Variants in LRRC4C observed in about 807,000 individuals in gnomAD.
LRRC4C encodes the protein leucine-rich repeat-containing protein 4C.
LRRC4C carries 5 observed loss-of-function variants against 33.6 expected under a neutral mutation model. The ratio of observed to expected loss-of-function variants is 0.15; its 90% CI spans 0.08 to 0.31. LRRC4C has a LOEUF of 0.31. Among genes scored for constraint, LRRC4C ranks in the 10% least tolerant of loss-of-function variants. The pLI, the probability that LRRC4C is intolerant of heterozygous loss-of-function variation, is 1.00. For missense variants in LRRC4C, 560 were observed against 796.7 expected (o/e 0.70, Z 3.58); for synonymous variants, 329 against 302.0 (o/e 1.09, Z -0.93).
chr11:40,643,443 C>G (rs1591356444), intron 3 of LRRC4C, among the ~76,000 whole-genome samples: 1 of 152,084 alleles, frequency 6.6e-6, no homozygotes, highest in African/African-American at 2.4e-5. Context: ...CCAGGACATT[C>G]ATCCCTGCCA....
At chr11:40,770,693 C>T (rs1198051792) in intron 2 of LRRC4C, among the ~76,000 whole-genome samples, 2 of 152,172 alleles carry the variant, frequency 1.3e-5, no homozygotes, top group African/African-American at 2.4e-5. Context: ...GGTATAGGTA[C>T]TGGATCAATG....
intron 3 of LRRC4C, among the ~76,000 whole-genome samples, chr11:40,570,333 C>T (rs990296300): frequency 7.2e-5 from 11 of 152,044 alleles, no homozygotes; most frequent in East Asian, 1.9e-4. Context: ...CAAGAGCTAG[C>T]GTTCTCTGGG....
At chr11:40,253,729 C>G (rs991858418) in intron 4 of LRRC4C, among the ~76,000 whole-genome samples, 3 of 152,104 alleles carry the variant, frequency 2.0e-5, no homozygotes, top group African/African-American at 7.2e-5. Flanking sequence ...AATCCTGGCT[C>G]GACGTAAGCC....
intron 5 of LRRC4C, among the ~76,000 whole-genome samples, chr11:40,204,765 T>A (rs1216054526): frequency 6.6e-6 from 1 of 152,076 alleles, no homozygotes; most frequent in African/African-American, 2.4e-5. Context: ...CAGCAGAGAG[T>A]TGAGTCTAGA....
chr11:41,115,112 A>T (rs1020031568), intron 1 of LRRC4C, among the ~76,000 whole-genome samples: 4 of 152,126 alleles, frequency 2.6e-5, no homozygotes, highest in African/African-American at 4.8e-5. Context: ...ATAAACATTA[A>T]AAATGTTTTA....
At chr11:41,027,728 T>C (rs1337073261) in intron 1 of LRRC4C, among the ~76,000 whole-genome samples, 1 of 151,704 alleles carries the variant, frequency 6.6e-6, no homozygotes, top group Non-Finnish European at 1.5e-5. Flanking sequence ...AGAATATTGA[T>C]AACCCAATGT....
intron 2 of LRRC4C, among the ~76,000 whole-genome samples, chr11:40,711,733 A>AC (rs1189007471): frequency 6.6e-6 from 1 of 151,914 alleles, no homozygotes; most frequent in Admixed American, 6.6e-5. Context: ...AAAAAAAAAA[A>AC]AAAACTTTGT....
chr11:40,696,288 A>ATATATATATGAG (rs1555147496), intron 2 of LRRC4C, among the ~76,000 whole-genome samples: 1 of 125,604 alleles, frequency 8.0e-6, no homozygotes, highest in South Asian at 2.3e-4. Flanking sequence ...CCACATATAT[A>ATATATATATGAG]TATATATATA....
At chr11:40,584,028 G>A (rs1375515378) in intron 3 of LRRC4C, among the ~76,000 whole-genome samples, 1 of 151,106 alleles carries the variant, frequency 6.6e-6, no homozygotes, top group Non-Finnish European at 1.5e-5. Flanking sequence ...AAGAGATCAG[G>A]GACGGAAGAA....
chr11:40,425,590 A>G (rs1332737822), intron 3 of LRRC4C, among the ~76,000 whole-genome samples: 5 of 152,188 alleles, frequency 3.3e-5, no homozygotes, highest in Non-Finnish European at 7.4e-5. Context: ...CCCATTGGGT[A>G]AGAAGTTAAG....
At chr11:41,421,477 A>AT (rs1954871388) in intron 1 of LRRC4C, among the ~76,000 whole-genome samples, 2 of 152,082 alleles carry the variant, frequency 1.3e-5, no homozygotes, top group Non-Finnish European at 2.9e-5. Flanking sequence ...TTCTGATAAC[A>AT]TTTTTTCCTT....
intron 2 of LRRC4C, among the ~76,000 whole-genome samples, chr11:40,716,825 T>C (rs1298904711): frequency 6.6e-6 from 1 of 152,136 alleles, no homozygotes; most frequent in African/African-American, 2.4e-5. Flanking sequence ...GAGTGACAGA[T>C]GCTGGTGGGG....
At chr11:40,192,281 TG>T (rs1004770002) in intron 5 of LRRC4C, among the ~76,000 whole-genome samples, 3 of 151,846 alleles carry the variant, frequency 2.0e-5, no homozygotes, top group African/African-American at 7.3e-5. Context: ...TTCATCCCAC[TG>T]GGACGGGTTA....
chr11:40,794,294 T>C (rs1950738887), intron 2 of LRRC4C, among the ~76,000 whole-genome samples: 1 of 149,930 alleles, frequency 6.7e-6, no homozygotes, highest in Non-Finnish European at 1.5e-5. Context: ...GCCATAGGCA[T>C]TTAGTGAATA....
chr11:41,452,887 A>G (rs1956069864), intron 1 of LRRC4C, among the ~76,000 whole-genome samples: 1 of 152,148 alleles, frequency 6.6e-6, no homozygotes, highest in African/African-American at 2.4e-5. Flanking sequence ...CTAAGTTATT[A>G]TCATAATTAC....
chr11:40,273,090 G>T (rs543957193), intron 4 of LRRC4C, among the ~76,000 whole-genome samples: 1 of 152,112 alleles, frequency 6.6e-6, no homozygotes, highest in East Asian at 1.9e-4. Flanking sequence ...ATTAAGTCTT[G>T]CTTTAAATAC....
chr11:41,249,502 G>T (rs930320062), intron 1 of LRRC4C, among the ~76,000 whole-genome samples: 22 of 152,232 alleles, frequency 1.4e-4, no homozygotes, highest in African/African-American at 4.6e-4. Flanking sequence ...AAGGTATTCA[G>T]AGTGAAATAC....
intron 2 of LRRC4C, among the ~76,000 whole-genome samples, chr11:40,915,185 G>GA (rs1316735367): frequency 2.0e-5 from 3 of 151,936 alleles, no homozygotes; most frequent in Non-Finnish European, 2.9e-5. Context: ...CACAGAATTG[G>GA]AAAAAACTAC....
chr11:40,216,808 A>G (rs998264978), intron 5 of LRRC4C, among the ~76,000 whole-genome samples: 2 of 152,176 alleles, frequency 1.3e-5, no homozygotes, highest in African/African-American at 4.8e-5. Context: ...GAGTCATGGA[A>G]GACCGCAAGT....
Sources: gnomAD v4.1 joint callset for allele counts (sites outside exome capture counted in the v4.1 genomes callset) on GRCh38, gnomAD v4.1.1 for gene constraint, MANE v1.5 for transcripts, NCBI Gene and HGNC (gene_info 2026-07-23, HGNC 2026-07-21) for gene names.